Variants in RNPC3 observed in about 807,000 individuals in gnomAD.
RNPC3 encodes the protein RNA-binding region-containing protein 3.
Under a neutral mutation model 67.5 loss-of-function variants are expected in RNPC3, and 48 were observed. The observed-to-expected ratio is 0.71, with a 90% CI of 0.56 to 0.90. The LOEUF is 0.90. Among genes scored for constraint, RNPC3 ranks in the 40% least tolerant of loss-of-function variants. RNPC3 has a pLI of 0.00. For missense variants in RNPC3, 637 were observed against 626.1 expected, an observed-to-expected ratio of 1.02 and a Z score of -0.19; for synonymous variants, 239 against 210.3, an observed-to-expected ratio of 1.14 and a Z score of -1.18.
chr1:103,546,160 A>C (rs894990785), intron 10 of RNPC3, 88 bp from the exon 11 acceptor site: 1 of 544,120 alleles, frequency 1.8e-6, no homozygotes, highest in Admixed American at 3.9e-5. Context: ...TTGTCTATTT[A>C]ACAATTAGGT....
intron 3 of RNPC3, among the ~76,000 whole-genome samples, chr1:103,534,100 C>T (rs182915522): frequency 1.5e-4 from 23 of 151,960 alleles, no homozygotes; most frequent in African/African-American, 5.3e-4. Context: ...TGGGCTGAAA[C>T]GAATTCATCT....
At position 103,545,053 on chromosome 1, in the gene RNPC3, A is replaced by T; in HGVS notation, c.1158A>T (p.Ser386=). The T allele has an allele frequency of 6.5e-7, 1 of 1,534,300 alleles. No individual in the cohort carries two copies. The highest frequency in any genetic ancestry group is 8.7e-7 in the Non-Finnish European group (1 of 1,145,112). ...EIKEDSDEMP[S]ECISRRELEK... ...AAGAAGACTCTGATGAAATGCCTTC[A>T]GAATGTATTTCTAGAAGGGAATTGG... The change falls in exon 10 of 15, where the codon TCA becomes TCT. Residue 386 remains serine (S), a synonymous_variant. Transcript: ENST00000423855.
chr1:103,527,718 C>G lies in RNPC3; in HGVS notation c.216C>G (p.Phe72Leu). Reference sequence around the variant, plus strand: ...AGAAACATACAGCTTTTGCCACATTCCCTAATGAAAAAGCAGCTATAAAGG... The same window carrying G: ...AGAAACATACAGCTTTTGCCACATTGCCTAATGAAAAAGCAGCTATAAAGG... Reference protein sequence around the residue: ...GRLKHTAFATFPNEKAAIKAL... With the variant: ...GRLKHTAFATLPNEKAAIKAL... Residue 72 changes from phenylalanine (F) to leucine (L), a missense_variant, in exon 2 of 15, where the codon TTC (phenylalanine) becomes TTG (leucine). By Grantham distance (22) the Phe-to-Leu change is conservative (BLOSUM62 0). Coordinates refer to ENST00000423855, the MANE Select transcript of RNPC3 (RefSeq NM_017619.4). 1 of 1,548,742 alleles carries G rather than the reference C, an allele frequency of 6.5e-7. No homozygotes were observed. The highest frequency in any genetic ancestry group is 8.7e-7 in the Non-Finnish European group (1 of 1,144,880).
intron 14 of RNPC3, 78 bp downstream of exon 14, chr1:103,551,870 G>T: frequency 5.2e-5 from 34 of 647,646 alleles, no homozygotes; most frequent in Non-Finnish European, 7.2e-5. Flanking sequence ...TGACAAGGTA[G>T]TAATTCAGGT....
At chr1:103,532,538 T>A (rs1211905558) in intron 2 of RNPC3, among the ~76,000 whole-genome samples, 1 of 152,106 alleles carries the variant, frequency 6.6e-6, no homozygotes, top group Non-Finnish European at 1.5e-5. Flanking sequence ...CATACAGATT[T>A]AAAGTTCGGA....
At chr1:103,550,770 T>C (rs1651369442) in intron 12 of RNPC3, among the ~76,000 whole-genome samples, 171 bp from the exon 13 acceptor site, 1 of 152,128 alleles carries the variant, frequency 6.6e-6, no homozygotes, top group South Asian at 2.1e-4. Flanking sequence ...ACTTGTAGAA[T>C]CAATTTTAGT....
chr1:103,543,097 A>G (rs1651163628), intron 8 of RNPC3, among the ~76,000 whole-genome samples, 199 bp from the exon 9 acceptor site: 1 of 151,798 alleles, frequency 6.6e-6, no homozygotes, highest in South Asian at 2.1e-4. Context: ...TGTGTAAACT[A>G]ATAATTTAGT....
chr1:103,549,282 C>T (rs771473804), intron 12 of RNPC3, among the ~76,000 whole-genome samples: 2 of 152,078 alleles, frequency 1.3e-5, no homozygotes, highest in Non-Finnish European at 2.9e-5. Flanking sequence ...AAAGAAGTGA[C>T]TATAACTAAA....
intron 14 of RNPC3, chr1:103,552,497 C>T (rs1053599673): frequency 6.6e-6 from 1 of 152,102 alleles, no homozygotes; most frequent in South Asian, 2.1e-4. Flanking sequence ...CACGGTGGCT[C>T]ACCCCTGTAA....
At chr1:103,544,824 A>C (rs1412009757) in intron 9 of RNPC3, 117 bp from the exon 10 acceptor site, 1 of 587,668 alleles carries the variant, frequency 1.7e-6, no homozygotes, top group Admixed American at 3.8e-5. Flanking sequence ...ATTGAGAAAC[A>C]CCAAAGAATT....
At chr1:103,535,512 T>A in intron 5 of RNPC3, 71 bp downstream of exon 5, 1 of 917,990 alleles carries the variant, frequency 1.1e-6, no homozygotes, top group Admixed American at 2.3e-5. Flanking sequence ...ATGCTGATTC[T>A]CATAAAAGTA....
At chr1:103,550,151 AG>A (rs1050311059) in intron 12 of RNPC3, among the ~76,000 whole-genome samples, 35 of 151,590 alleles carry the variant, frequency 2.3e-4, no homozygotes, top group African/African-American at 8.5e-4. Context: ...GCAACCAAGC[AG>A]GACTCTGTCT....
At chr1:103,533,623 T>C (rs1650913420) in intron 2 of RNPC3, 116 bp from the exon 3 acceptor site, 2 of 637,448 alleles carry the variant, frequency 3.1e-6, no homozygotes, top group East Asian at 2.8e-5. Flanking sequence ...AATTAGGAAA[T>C]AGTCAAGGAA....
rs774041757 is a variant in RNPC3 at position 103,550,952 on chromosome 1, G to A, written c.1373G>A (p.Arg458His). The change falls in exon 13 of 15, where the codon CGT becomes CAT. Residue 458 changes from arginine (R) to histidine (H), a missense_variant. By Grantham distance (29) the Arg-to-His change is conservative. Transcript: ENST00000423855. Reference protein sequence around the residue: ...SETQRIMFDIRLMKEGRMKGQ... With the variant: ...SETQRIMFDIHLMKEGRMKGQ... ...TTTCTTCCTTCTAGGTTTGATATACGTTTGATGAAAGAAGGTCGTATGAAA... is the reference window on the plus strand; with the variant it reads ...TTTCTTCCTTCTAGGTTTGATATACATTTGATGAAAGAAGGTCGTATGAAA... 10 of 1,610,830 alleles carry A rather than the reference G, an allele frequency of 6.2e-6. No individual in the cohort carries two copies. Among genetic ancestry groups the A allele is most frequent in the East Asian group, 2.2e-5 (1 of 44,786 alleles).
intron 12 of RNPC3, among the ~76,000 whole-genome samples, chr1:103,549,170 A>G (rs969802025): frequency 6.6e-6 from 1 of 152,218 alleles, no homozygotes; most frequent in African/African-American, 2.4e-5. Context: ...ATTCTTTACA[A>G]TACCGTATTT....
chr1:103,549,842 G>A (rs550574850), intron 12 of RNPC3, among the ~76,000 whole-genome samples: 8 of 152,098 alleles, frequency 5.3e-5, no homozygotes, highest in East Asian at 1.9e-4. Flanking sequence ...TTTCTACTCC[G>A]AAGTTCTGTA....
chr1:103,552,460 C>T (rs545831825), intron 14 of RNPC3: 2 of 150,218 alleles, frequency 1.3e-5, no homozygotes, highest in South Asian at 4.2e-4. Context: ...AAAAGTCAAA[C>T]TGTCATTAAA....
chr1:103,537,546 TGC>T, intron 7 of RNPC3, 62 bp downstream of exon 7: 1 of 1,386,064 alleles, frequency 7.2e-7, no homozygotes, highest in Non-Finnish European at 9.8e-7. Context: ...AAGAGACTCT[TGC>T]TCTCCCTAGA....
Position 103,545,102 on chromosome 1 carries a change from G to A in RNPC3, c.1207G>A (p.Glu403Lys), listed in dbSNP as rs917589617. The A allele has an allele frequency of 3.3e-6, 5 of 1,528,856 alleles. No homozygotes were observed. Among genetic ancestry groups the A allele is most frequent in the Non-Finnish European group, 4.4e-6 (5 of 1,142,996 alleles). The allele number at this position is 1,528,856 out of a possible 1,614,324, so 94.7% of individuals were successfully genotyped here. ...GGAAAAGGGCAGAATTTCTAGAGAA[G>A]GTAATGTCACGAAATAAACTAAGCA... ...ELEKGRISRE[E>K]METLSVFRSY... The change falls in exon 10 of 15, where the codon GAA becomes AAA. Residue 403 changes from glutamate (E) to lysine (K), a missense_variant and splice_region_variant. Glu to Lys is a moderately conservative substitution (Grantham distance 56, BLOSUM62 1). Transcript: ENST00000423855.
Sources: gnomAD v4.1 joint callset for allele counts (sites outside exome capture counted in the v4.1 genomes callset) on GRCh38, gnomAD v4.1.1 for gene constraint, MANE v1.5 for transcripts, NCBI Gene and HGNC (gene_info 2026-07-23, HGNC 2026-07-21) for gene names.